SEZ6L: variants seen among roughly 807,000 people sequenced by gnomAD.
SEZ6L encodes the protein seizure 6-like protein.
A neutral mutation model predicts 106.2 loss-of-function variants in SEZ6L; 37 were observed. The observed-to-expected ratio is 0.35, with a 90% CI of 0.27 to 0.46. The LOEUF (loss-of-function observed/expected upper bound fraction) is 0.46. Among genes scored for constraint, SEZ6L ranks in the 20% least tolerant of loss-of-function variants. The pLI is 1.00. For missense variants in SEZ6L, 1,172 were observed against 1,332.8 expected (o/e 0.88, Z 1.88); for synonymous variants, 541 against 570.4 (o/e 0.95, Z 0.73).
At chr22:26,374,104 G>A (rs867348515) in intron 14 of SEZ6L, among the ~76,000 whole-genome samples, 51 of 151,834 alleles carry the variant, frequency 3.4e-4, no homozygotes, top group Non-Finnish European at 2.1e-4. Context: ...AATGTCCAGC[G>A]TTCTATGTCA....
chr22:26,326,756 C>G (rs2082316335), intron 9 of SEZ6L, among the ~76,000 whole-genome samples: 1 of 152,208 alleles, frequency 6.6e-6, no homozygotes, highest in Non-Finnish European at 1.5e-5. Flanking sequence ...GTTTAGACAG[C>G]ACCCCTGGGA....
rs1344739271 is a variant in SEZ6L at position 26,305,902 on chromosome 22, C to T, written c.1349-77C>T. On this transcript the variant is annotated intron_variant, in intron 5 of 16. Transcript: ENST00000248933. ...CACTCACTTCCTTCTCTCTCTCTCT[C>T]TCTTTCTCTCTGTCTCTCTCCTCTC... 4.0e-5 allele frequency: 56 copies of T among 1,389,220 alleles called. No individual in the cohort carries two copies. The East Asian group carries it at 8.2e-4, about 20-fold the overall frequency. The allele number at this position is 1,389,220 out of a possible 1,614,324, so 86.1% of individuals were successfully genotyped here.
intron 1 of SEZ6L, among the ~76,000 whole-genome samples, chr22:26,282,238 T>G (rs2080795237): frequency 6.6e-6 from 1 of 152,218 alleles, no homozygotes; most frequent in South Asian, 2.1e-4. Context: ...TATTTTACTG[T>G]GTTCTACAAT....
intron 1 of SEZ6L, among the ~76,000 whole-genome samples, chr22:26,280,690 C>T (rs2080734308): frequency 6.6e-6 from 1 of 152,194 alleles, no homozygotes; most frequent in African/African-American, 2.4e-5. Context: ...AGCTGCTCAC[C>T]TCCCCTGAAT....
chr22:26,214,060 T>C (rs971852211), intron 1 of SEZ6L, among the ~76,000 whole-genome samples: 3 of 152,246 alleles, frequency 2.0e-5, no homozygotes, highest in Non-Finnish European at 4.4e-5. Context: ...TAATAACCAG[T>C]GGCATTCATA....
chr22:26,224,729 T>C (rs1341796697), intron 1 of SEZ6L, among the ~76,000 whole-genome samples: 1 of 152,164 alleles, frequency 6.6e-6, no homozygotes, highest in Admixed American at 6.5e-5. Flanking sequence ...GCTAATAGAC[T>C]GGCTGTGGAG....
intron 1 of SEZ6L, among the ~76,000 whole-genome samples, chr22:26,234,458 T>C (rs1324897815): frequency 6.6e-6 from 1 of 152,234 alleles, no homozygotes; most frequent in African/African-American, 2.4e-5. Flanking sequence ...AGACCTTTTT[T>C]TTCCTTTCTA....
intron 9 of SEZ6L, among the ~76,000 whole-genome samples, chr22:26,319,545 C>G (rs582072): frequency 0.18 from 28,130 of 152,184 alleles, 3,181 homozygotes; most frequent in Non-Finnish European, 0.25. Flanking sequence ...CCATTCCACA[C>G]GCATACCTCA....
At chr22:26,360,902 A>G (rs1356944671) in intron 12 of SEZ6L, among the ~76,000 whole-genome samples, 1 of 152,108 alleles carries the variant, frequency 6.6e-6, no homozygotes, top group African/African-American at 2.4e-5. Context: ...ACAAAAAACA[A>G]AAACAAAAAC....
At chr22:26,178,194 A>G (rs1036867332) in intron 1 of SEZ6L, among the ~76,000 whole-genome samples, 7 of 152,312 alleles carry the variant, frequency 4.6e-5, no homozygotes, top group Middle Eastern at 3.4e-3. Flanking sequence ...AGAAGTGGAA[A>G]TCAAGCCATA....
At chr22:26,258,466 G>A (rs977017179) in intron 1 of SEZ6L, among the ~76,000 whole-genome samples, 1 of 152,176 alleles carries the variant, frequency 6.6e-6, no homozygotes, top group African/African-American at 2.4e-5. Context: ...AAAAGAGAGG[G>A]CAAAAGCACC....
intron 10 of SEZ6L, 82 bp from the exon 11 acceptor site, chr22:26,347,637 C>T (rs1403179889): frequency 5.9e-6 from 7 of 1,194,898 alleles, no homozygotes; most frequent in African/African-American, 3.2e-5. Context: ...TTTCTCTTCG[C>T]TCATCCCTCT....
At chr22:26,241,866 G>C (rs989688746) in intron 1 of SEZ6L, among the ~76,000 whole-genome samples, 1 of 152,124 alleles carries the variant, frequency 6.6e-6, no homozygotes, top group Non-Finnish European at 1.5e-5. Context: ...TGGGCACCAA[G>C]GACACCGGGA....
rs1360561663 is a variant in SEZ6L, at chr22:26,263,509, C to T, written c.95-28897C>T. ...ATTTGAATGAAAAGTTCTGTGACTC[C>T]AAAATCCACATTCTTTCCATCCTGC... On this transcript the variant is annotated intron_variant, in intron 1 of 16. Coordinates refer to ENST00000248933, the MANE Select transcript of SEZ6L (RefSeq NM_021115.5). Among the ~76,000 whole-genome samples the T allele has an allele frequency of 1.4e-3, 214 of 152,356 alleles. 4 individuals are homozygous for T. The highest frequency in any genetic ancestry group is 1.9e-4 in the Non-Finnish European group (13 of 68,042).
intron 11 of SEZ6L, 60 bp downstream of exon 11, chr22:26,347,973 C>CTT: frequency 7.1e-7 from 1 of 1,406,866 alleles, no homozygotes; most frequent in Non-Finnish European, 9.5e-7. Context: ...TTCTAGGGAT[C>CTT]TTTTTTTGGT....
intron 1 of SEZ6L, among the ~76,000 whole-genome samples, chr22:26,271,173 G>A (rs2080353196): frequency 6.6e-6 from 1 of 152,150 alleles, no homozygotes; most frequent in Admixed American, 6.5e-5. Context: ...AGGAACTATA[G>A]AACAGCAATA....
At chr22:26,314,644 G>A (rs1050022174) in intron 9 of SEZ6L, among the ~76,000 whole-genome samples, 1 of 152,218 alleles carries the variant, frequency 6.6e-6, no homozygotes, top group Non-Finnish European at 1.5e-5. Context: ...GTGCGGCTGG[G>A]TTTCCTGTAT....
intron 1 of SEZ6L, among the ~76,000 whole-genome samples, chr22:26,253,765 T>C (rs1302299817): frequency 6.6e-6 from 1 of 152,184 alleles, no homozygotes; most frequent in Non-Finnish European, 1.5e-5. Context: ...AAAAAACAGA[T>C]CTCCTATGGT....
intron 12 of SEZ6L, among the ~76,000 whole-genome samples, chr22:26,357,529 G>A (rs775419599): frequency 7.2e-5 from 11 of 152,134 alleles, no homozygotes; most frequent in Non-Finnish European, 1.5e-4. Flanking sequence ...GAATTCCCAT[G>A]GAACCTACAG....
Sources: allele counts gnomAD v4.1 joint callset (sites outside exome capture counted in the v4.1 genomes callset), GRCh38; gene constraint gnomAD v4.1.1; transcripts MANE v1.5; gene names NCBI Gene and HGNC (gene_info 2026-07-23, HGNC 2026-07-21).